The following SMYD5 variants were observed in gnomAD, a reference collection of about 807,000 sequenced individuals.
SMYD5 encodes SMYD family member 5, also known as protein-lysine N-trimethyltransferase SMYD5.
In SMYD5, 35 loss-of-function variants were observed where a neutral mutation model predicts 57.4. The observed-to-expected ratio is 0.61, with a 90% CI of 0.47 to 0.81. The LOEUF is 0.81. Among genes scored for constraint, SMYD5 ranks in the 30% least tolerant of loss-of-function variants. The pLI is 0.00. For missense variants in SMYD5, 471 were observed against 527.9 expected, an observed-to-expected ratio of 0.89 and a Z score of 1.06; for synonymous variants, 198 against 189.7, an observed-to-expected ratio of 1.04 and a Z score of -0.36.
intron 6 of SMYD5, 24 bp from the exon 7 acceptor site, chr2:73,222,731 C>T (rs762771328): frequency 6.3e-7 from 1 of 1,597,604 alleles, no homozygotes; most frequent in Non-Finnish European, 8.6e-7. Flanking sequence ...GGATACAAGT[C>T]TCTCCCTGCT....
At chr2:73,222,246 C>T (rs1686409996) in intron 6 of SMYD5, among the ~76,000 whole-genome samples, 1 of 152,212 alleles carries the variant, frequency 6.6e-6, no homozygotes, top group Admixed American at 6.5e-5. Flanking sequence ...TAGAATGGGG[C>T]CGCAGAATCA....
At chr2:73,222,182 C>G (rs1056906588) in intron 6 of SMYD5, among the ~76,000 whole-genome samples, 6 of 152,198 alleles carry the variant, frequency 3.9e-5, no homozygotes, top group African/African-American at 1.4e-4. Flanking sequence ...AAAGTGCTCC[C>G]TAACTGGTGT....
At chr2:73,220,906 T>A in intron 4 of SMYD5, 124 bp downstream of exon 4, 1 of 1,164,960 alleles carries the variant, frequency 8.6e-7, no homozygotes, top group Non-Finnish European at 1.2e-6. Context: ...TTCTTAGGGT[T>A]AAACAGAAGT....
chr2:73,218,790 G>A, intron 1 of SMYD5, 71 bp from the exon 2 acceptor site: 2 of 1,139,684 alleles, frequency 1.8e-6, no homozygotes, highest in Non-Finnish European at 2.6e-6. Flanking sequence ...AGGCTGGACA[G>A]CCTCCTGGAA....
chr2:73,222,341 T>A (rs1279268174), intron 6 of SMYD5, among the ~76,000 whole-genome samples: 1 of 152,186 alleles, frequency 6.6e-6, no homozygotes, highest in Non-Finnish European at 1.5e-5. Flanking sequence ...CAGACTTCCC[T>A]GCAGGAGCTG....
At chr2:73,224,243 T>C (rs1416250123) in intron 10 of SMYD5, among the ~76,000 whole-genome samples, 5 of 152,196 alleles carry the variant, frequency 3.3e-5, no homozygotes, top group African/African-American at 7.2e-5. Context: ...AACCTTACAA[T>C]AGGCCAGGCC....
chr2:73,222,887 A>C, intron 7 of SMYD5, 70 bp downstream of exon 7: 1 of 1,541,424 alleles, frequency 6.5e-7, no homozygotes, highest in South Asian at 1.1e-5. Context: ...TCAGGTCATC[A>C]TCTCCTACTG....
At position 73,220,645 on chromosome 2, in the gene SMYD5, C is replaced by G. The variant is rs1284479452; in HGVS notation, c.346-16C>G. The G allele has an allele frequency of 1.2e-6, 2 of 1,613,946 alleles. No individual in the cohort carries two copies. Among genetic ancestry groups the G allele is most frequent in the Non-Finnish European group, 1.7e-6 (2 of 1,179,968 alleles). On this transcript the variant is annotated splice_polypyrimidine_tract_variant and intron_variant, in intron 3 of 12. Coordinates refer to ENST00000389501, the MANE Select transcript of SMYD5 (RefSeq NM_006062.3). ...GGGCCAGATCCTTGGGTACTGACCT[C>G]TATCCCACCTAACAGGTGATGTACT...
At chr2:73,221,678 G>C (rs1686399384) in intron 5 of SMYD5, 148 bp from the exon 6 acceptor site, 1 of 647,302 alleles carries the variant, frequency 1.5e-6, no homozygotes, top group Non-Finnish European at 2.8e-6. Context: ...CAACTGGGGA[G>C]ATGGTTGTGG....
Position 73,220,151 on chromosome 2 carries a change from T to C in SMYD5, c.306T>C (p.Thr102=), listed in dbSNP as rs1686356620. The change falls in exon 3 of 13, where the codon ACT becomes ACC. Residue 102 remains threonine (T), a synonymous_variant. Coordinates refer to ENST00000389501, the MANE Select transcript of SMYD5 (RefSeq NM_006062.3). ...GQVLPHPELC[T]VRKDLHQNCP... is the part of the protein sequence containing the mutation. ...TTCTGCCTCACCCAGAGCTGTGCAC[T>C]GTGCGCAAAGACCTCCACCAGAACT... 2 of 1,614,142 alleles carry C rather than the reference T, an allele frequency of 1.2e-6. No individual in the cohort carries two copies. The highest frequency in any genetic ancestry group is 4.5e-5 in the East Asian group (2 of 44,872).
In SMYD5 at chr2:73,226,238, G is replaced by GA; in HGVS notation, c.*292_*293insA. ...CTAGGGTTTGAGGGGCTGGAATCAG[G>GA]GCCAGGGCCTAACAGTGTTTCTTCC... On this transcript the variant is annotated 3_prime_UTR_variant, in exon 13 of 13. Transcript: ENST00000389501. 4.5e-6 allele frequency: 2 copies of GA among 442,848 alleles called. No individual in the cohort carries two copies. Among genetic ancestry groups the GA allele is most frequent in the Non-Finnish European group, 8.0e-6 (2 of 248,778 alleles). 27.4% of individuals were successfully genotyped at this position (442,848 alleles called of 1,614,324 possible).
intron 7 of SMYD5, 27 bp from the exon 8 acceptor site, chr2:73,223,009 G>A: frequency 3.7e-6 from 6 of 1,601,842 alleles, no homozygotes; most frequent in Non-Finnish European, 5.1e-6. Context: ...GCTGTAATGA[G>A]CACTCATCTC....
rs1334187202 is a variant in SMYD5, at chr2:73,220,044, C to A, written c.206-7C>A. The A allele has an allele frequency of 6.2e-7, 1 of 1,614,074 alleles. No individual in the cohort carries two copies. The highest frequency in any genetic ancestry group is 8.5e-7 in the Non-Finnish European group (1 of 1,180,002). On this transcript the variant is annotated splice_polypyrimidine_tract_variant and splice_region_variant and intron_variant, in intron 2 of 12. Coordinates refer to ENST00000389501, the MANE Select transcript of SMYD5 (RefSeq NM_006062.3). Reference sequence around the variant, plus strand: ...AAGATATTGTTGTGTCTGGCTCTCACCGTCAGCCTGTGACCACTGCCTTAG... The same window carrying A: ...AAGATATTGTTGTGTCTGGCTCTCAACGTCAGCCTGTGACCACTGCCTTAG...
chr2:73,214,786 A>C (rs1232231490), intron 1 of SMYD5: 1 of 1,311,432 alleles, frequency 7.6e-7, no homozygotes, highest in Non-Finnish European at 1.0e-6. Context: ...ATCCTTCACG[A>C]GGGTCCTTGG....
intron 1 of SMYD5, chr2:73,214,603 C>G: frequency 1.3e-6 from 2 of 1,506,396 alleles, no homozygotes; most frequent in Non-Finnish European, 1.8e-6. Context: ...ATTCGGCCAG[C>G]CCGCGGGAGG....
rs1210644138 is a variant in SMYD5, at chr2:73,226,952, T to A, written c.*1006T>A. 1 of 152,668 alleles carries A rather than the reference T, an allele frequency of 6.6e-6. No individual in the cohort carries two copies. Among genetic ancestry groups the A allele is most frequent in the African/African-American group, 2.4e-5 (1 of 41,438 alleles). 9.5% of individuals were successfully genotyped at this position (152,668 alleles called of 1,614,324 possible). ...GTCTTGTCCCCTCCTACCCCCAGAT[T>A]AGCACCACCCCTCTCACTCTTGGGT... On this transcript the variant is annotated 3_prime_UTR_variant, in exon 13 of 13. Transcript: ENST00000389501.
rs752801340 is a variant in SMYD5 at position 73,225,880 on chromosome 2, AGAG to A, written c.1206_1208del (p.Glu403del). On this transcript the variant is annotated inframe_deletion, in exon 13 of 13. Transcript: ENST00000389501. ...ATGTGACCTCAGAAGAGGAAGAGGA[AGAG>A]GAGGAGGAGGAGGAAGGAGAGCCAG... 35 of 1,611,888 alleles carry A rather than the reference AGAG, an allele frequency of 2.2e-5. No individual in the cohort carries two copies. The highest frequency in any genetic ancestry group is 1.6e-4 in the Middle Eastern group (1 of 6,080).
At chr2:73,219,813 A>T (rs950028568) in intron 2 of SMYD5, 5 of 597,362 alleles carry the variant, frequency 8.4e-6, no homozygotes, top group South Asian at 1.9e-5. Context: ...GGAAAGTTAG[A>T]CAATAAGGGC....
intron 1 of SMYD5, chr2:73,214,605 C>G (rs568816829): frequency 6.6e-7 from 1 of 1,506,808 alleles, no homozygotes; most frequent in East Asian, 2.5e-5. Flanking sequence ...TCGGCCAGCC[C>G]GCGGGAGGCC....
Sources: gnomAD v4.1 joint callset for allele counts (sites outside exome capture counted in the v4.1 genomes callset) on GRCh38, gnomAD v4.1.1 for gene constraint, MANE v1.5 for transcripts, NCBI Gene and HGNC (gene_info 2026-07-23, HGNC 2026-07-21) for gene names.